Variants in SIPA1L1 observed in about 807,000 individuals in gnomAD.
SIPA1L1 encodes signal induced proliferation associated 1 like 1, also known as signal-induced proliferation-associated 1-like protein 1.
A neutral mutation model predicts 162.7 loss-of-function variants in SIPA1L1; 26 were observed. The observed-to-expected ratio is 0.16, with a 90% CI of 0.12 to 0.22. SIPA1L1 has a LOEUF of 0.22. Among genes scored for constraint, SIPA1L1 ranks in the 10% least tolerant of loss-of-function variants. The pLI, the probability that SIPA1L1 is intolerant of heterozygous loss-of-function variation, is 1.00. For synonymous variants in SIPA1L1, 829 were observed against 837.4 expected (o/e 0.99, Z 0.17); for missense variants, 1,874 against 2,241.0 (o/e 0.84, Z 3.31).
intron 8 of SIPA1L1, among the ~76,000 whole-genome samples, chr14:71,657,160 C>T (rs1028969062): frequency 3.3e-5 from 5 of 151,804 alleles, no homozygotes; most frequent in African/African-American, 1.2e-4. Flanking sequence ...CCATCCTGGC[C>T]AACATGGTGA....
chr14:71,719,812 T>C (rs1038461345), intron 17 of SIPA1L1, among the ~76,000 whole-genome samples: 27 of 152,278 alleles, frequency 1.8e-4, no homozygotes, highest in African/African-American at 6.5e-4. Flanking sequence ...CTTTTTAATA[T>C]CAAAATAGCT....
chr14:71,542,558 T>C (rs1441077254), intron 4 of SIPA1L1, among the ~76,000 whole-genome samples: 2 of 145,362 alleles, frequency 1.4e-5, no homozygotes, highest in Non-Finnish European at 1.5e-5. Context: ...CTCCTCCTCC[T>C]CTTCCTCCTT....
At chr14:71,552,537 G>A (rs1367009678) in intron 4 of SIPA1L1, among the ~76,000 whole-genome samples, 14 of 151,594 alleles carry the variant, frequency 9.2e-5, no homozygotes, top group African/African-American at 2.4e-4. Flanking sequence ...GACTACAGGC[G>A]CCCGCCACCA....
chr14:71,587,271 T>C (rs1474643180), intron 4 of SIPA1L1, among the ~76,000 whole-genome samples: 1 of 152,144 alleles, frequency 6.6e-6, no homozygotes, highest in African/African-American at 2.4e-5. Flanking sequence ...GTACTTTGGG[T>C]AGGAGCCATG....
chr14:71,572,769 T>C (rs1274616400), intron 4 of SIPA1L1, among the ~76,000 whole-genome samples: 1 of 152,214 alleles, frequency 6.6e-6, no homozygotes, highest in Non-Finnish European at 1.5e-5. Flanking sequence ...AGCGTAGGTA[T>C]ATAGAAATAA....
intron 5 of SIPA1L1, among the ~76,000 whole-genome samples, chr14:71,597,518 C>T (rs2036183308): frequency 6.6e-6 from 1 of 152,052 alleles, no homozygotes; most frequent in Non-Finnish European, 1.5e-5. Flanking sequence ...GGCTTGGGTT[C>T]CCCTGCAGCT....
intron 2 of SIPA1L1, among the ~76,000 whole-genome samples, chr14:71,323,265 T>C (rs940404240): frequency 2.6e-5 from 4 of 152,252 alleles, no homozygotes; most frequent in Non-Finnish European, 5.9e-5. Context: ...TGAGTTGTGA[T>C]GTATATATGT....
At chr14:71,433,381 A>G (rs2044143443) in intron 2 of SIPA1L1, among the ~76,000 whole-genome samples, 1 of 152,188 alleles carries the variant, frequency 6.6e-6, no homozygotes, top group African/African-American at 2.4e-5. Flanking sequence ...CAGTAGTGCA[A>G]TCACAGTTCA....
chr14:71,415,669 G>A (rs1270050639), intron 2 of SIPA1L1, among the ~76,000 whole-genome samples: 2 of 151,428 alleles, frequency 1.3e-5, no homozygotes, highest in Non-Finnish European at 2.9e-5. Context: ...ATTGAAATGT[G>A]CACCTTCAGT....
intron 10 of SIPA1L1, among the ~76,000 whole-genome samples, chr14:71,668,992 C>G (rs2044272441): frequency 6.6e-6 from 1 of 152,114 alleles, no homozygotes; most frequent in South Asian, 2.1e-4. Context: ...ATCAAGAGTT[C>G]AGAATTTGTG....
At chr14:71,701,415 C>G in intron 14 of SIPA1L1, among the ~76,000 whole-genome samples, 1 of 149,396 alleles carries the variant, frequency 6.7e-6, no homozygotes, top group East Asian at 2.0e-4. Context: ...AGCCTGGGGT[C>G]TCTGTTGCCC....
At chr14:71,568,777 A>T (rs916896145) in intron 4 of SIPA1L1, among the ~76,000 whole-genome samples, 5 of 152,244 alleles carry the variant, frequency 3.3e-5, no homozygotes, top group African/African-American at 9.6e-5. Flanking sequence ...AAATTTCATA[A>T]ACACACAGTA....
At chr14:71,359,719 A>T (rs1186933676) in intron 2 of SIPA1L1, among the ~76,000 whole-genome samples, 1 of 152,198 alleles carries the variant, frequency 6.6e-6, no homozygotes, top group Non-Finnish European at 1.5e-5. Flanking sequence ...AAAGAAAGTA[A>T]GTGCATGAGT....
intron 2 of SIPA1L1, among the ~76,000 whole-genome samples, chr14:71,486,901 G>C (rs1228072923): frequency 2.0e-5 from 3 of 152,020 alleles, no homozygotes. Flanking sequence ...TCTTCTAAAG[G>C]CGCATGTTTT....
chr14:71,348,081 T>C (rs527741645), intron 2 of SIPA1L1, among the ~76,000 whole-genome samples: 1 of 152,268 alleles, frequency 6.6e-6, no homozygotes, highest in East Asian at 1.9e-4. Context: ...GGAAAAAAAT[T>C]TGAAATTACC....
At chr14:71,341,318 A>G (rs1239001520) in intron 2 of SIPA1L1, among the ~76,000 whole-genome samples, 1 of 152,168 alleles carries the variant, frequency 6.6e-6, no homozygotes, top group Non-Finnish European at 1.5e-5. Context: ...TGAGACATTT[A>G]TTTTTTGGGG....
intron 2 of SIPA1L1, among the ~76,000 whole-genome samples, chr14:71,385,221 G>C (rs1309775217): frequency 6.6e-6 from 1 of 152,198 alleles, no homozygotes; most frequent in Non-Finnish European, 1.5e-5. Flanking sequence ...ACAGGGTAGA[G>C]ACAGTCTTCC....
chr14:71,622,228 T>G (rs1249311166), intron 6 of SIPA1L1, among the ~76,000 whole-genome samples: 1 of 152,220 alleles, frequency 6.6e-6, no homozygotes, highest in Non-Finnish European at 1.5e-5. Flanking sequence ...AAATAAACAT[T>G]GCAAAACATA....
chr14:71,664,495 A>AATAATCAC (rs2043821848), intron 10 of SIPA1L1, among the ~76,000 whole-genome samples: 2 of 152,226 alleles, frequency 1.3e-5, no homozygotes, highest in African/African-American at 4.8e-5. Context: ...TGCAGTGCAT[A>AATAATCAC]ATAATCACAC....
Sources: gnomAD v4.1 joint callset for allele counts (sites outside exome capture counted in the v4.1 genomes callset) on GRCh38, gnomAD v4.1.1 for gene constraint, MANE v1.5 for transcripts, NCBI Gene and HGNC (gene_info 2026-07-23, HGNC 2026-07-21) for gene names.